The following BAHD1 variants were observed in gnomAD, a reference collection of about 807,000 sequenced individuals.
BAHD1 encodes bromo adjacent homology domain containing 1.
Under a neutral mutation model 63.1 loss-of-function variants are expected in BAHD1, and 20 were observed. That is an observed-to-expected ratio of 0.32 (90% CI 0.22 to 0.46). The LOEUF (loss-of-function observed/expected upper bound fraction) is 0.46, where lower values mean the gene tolerates loss of function less well. Among genes scored for constraint, BAHD1 ranks in the 20% least tolerant of loss-of-function variants. BAHD1 has a pLI of 1.00. For missense variants in BAHD1, 939 were observed against 1,071.8 expected (o/e 0.88, Z 1.73); for synonymous variants, 408 against 426.8 (o/e 0.96, Z 0.54).
Position 40,462,128 on chromosome 15 carries a change from G to T in BAHD1, c.1649G>T (p.Arg550Leu). 1 of 1,612,494 alleles carries T rather than the reference G, an allele frequency of 6.2e-7. No homozygotes were observed. The highest frequency in any genetic ancestry group is 1.7e-5 in the Admixed American group (1 of 60,024). ...CCCAGCGGTTCTAAGTCAGGTCTGC[G>T]CACAGGCTCCAGCTGCAGGCACACT... ...KPPSGSKSGLRTGSSCRHTAR... is the reference protein window; with the variant it reads ...KPPSGSKSGLLTGSSCRHTAR... Residue 550 changes from arginine to leucine, a missense_variant, in exon 3 of 7, where the codon CGC becomes CTC. By Grantham distance (102) the Arg-to-Leu change is moderately radical (BLOSUM62 -2). Coordinates refer to ENST00000416165, the MANE Select transcript of BAHD1 (RefSeq NM_014952.5).
intron 2 of BAHD1, among the ~76,000 whole-genome samples, chr15:40,460,796 G>T (rs1198555021): frequency 6.6e-6 from 1 of 152,160 alleles, no homozygotes; most frequent in East Asian, 1.9e-4. Context: ...CTTTCTTGTA[G>T]GGGTCTATAA....
chr15:40,455,309 G>T (rs1053282390), intron 1 of BAHD1, among the ~76,000 whole-genome samples: 2 of 152,214 alleles, frequency 1.3e-5, no homozygotes, highest in African/African-American at 4.8e-5. Flanking sequence ...CAGGGGAGTA[G>T]TGGGTGTCCC....
chr15:40,464,304 A>C, intron 4 of BAHD1, 167 bp from the exon 5 acceptor site: 1 of 673,070 alleles, frequency 1.5e-6, no homozygotes, highest in Non-Finnish European at 2.6e-6. Flanking sequence ...TCCATGCCTA[A>C]CAGCATTCCA....
chr15:40,463,178 A>C (rs931028297), intron 3 of BAHD1, among the ~76,000 whole-genome samples: 1 of 152,138 alleles, frequency 6.6e-6, no homozygotes, highest in Non-Finnish European at 1.5e-5. Context: ...GGTAGCATGC[A>C]TCTGTAGTCC....
chr15:40,454,826 G>A (rs1031652829), intron 1 of BAHD1, among the ~76,000 whole-genome samples: 1 of 152,166 alleles, frequency 6.6e-6, no homozygotes, highest in African/African-American at 2.4e-5. Context: ...AGGGGCAGCA[G>A]GAGGATTGGT....
At chr15:40,445,538 C>T (rs191834166) in intron 1 of BAHD1, among the ~76,000 whole-genome samples, 6 of 152,092 alleles carry the variant, frequency 3.9e-5, no homozygotes, top group African/African-American at 1.4e-4. Flanking sequence ...AGCACCCTGT[C>T]GCAAGGTGAG....
chr15:40,461,894 ACT>A lies in BAHD1; in HGVS notation c.1433-12_1433-11del, dbSNP rs1368716116. ...GGTCACTGCTTGTCCTGTCCTGACC[ACT>A]CTCTCCCTTTCCTAGAAGGCTGCAG... is the stretch of plus-strand genomic sequence containing the variant. On this transcript the variant is annotated splice_polypyrimidine_tract_variant and intron_variant, in intron 2 of 6. Coordinates refer to ENST00000416165, the MANE Select transcript of BAHD1 (RefSeq NM_014952.5). The A allele has an allele frequency of 6.4e-7, 1 of 1,572,722 alleles. No homozygotes were observed. Among genetic ancestry groups the A allele is most frequent in the Non-Finnish European group, 8.7e-7 (1 of 1,154,898 alleles).
chr15:40,464,582 G>T (rs1236699521), intron 5 of BAHD1, 35 bp downstream of exon 5: 1 of 1,572,340 alleles, frequency 6.4e-7, no homozygotes, highest in African/African-American at 1.3e-5. Context: ...GGGAGGGCAG[G>T]AGAGACAGAG....
chr15:40,447,959 G>A (rs1893591204), intron 1 of BAHD1, among the ~76,000 whole-genome samples: 1 of 152,106 alleles, frequency 6.6e-6, no homozygotes, highest in Non-Finnish European at 1.5e-5. Context: ...GATATAAAAT[G>A]TTTGTTTCGG....
chr15:40,460,206 A>G (rs2141531897), intron 2 of BAHD1, among the ~76,000 whole-genome samples: 1 of 152,254 alleles, frequency 6.6e-6, no homozygotes, highest in South Asian at 2.1e-4. Flanking sequence ...TCATTGGGAT[A>G]CCCGTTCTTA....
At chr15:40,461,522 C>G (rs1257831605) in intron 2 of BAHD1, among the ~76,000 whole-genome samples, 1 of 152,030 alleles carries the variant, frequency 6.6e-6, no homozygotes, top group Non-Finnish European at 1.5e-5. Context: ...CACCTGTAAT[C>G]CCAGCTACTC....
chr15:40,437,524 C>A (rs1893297037), upstream of BAHD1, among the ~76,000 whole-genome samples: 1 of 152,208 alleles, frequency 6.6e-6, no homozygotes, highest in Non-Finnish European at 1.5e-5. Flanking sequence ...CCTTGGTGTC[C>A]CTCCCCCAAA....
rs747270398 is a variant in BAHD1 at position 40,458,103 on chromosome 15, T to C, written c.-14-348T>C. 6.6e-6 allele frequency among the ~76,000 whole-genome samples: 1 copy of C among 152,218 alleles called. No homozygotes were observed. The highest frequency in any genetic ancestry group is 1.5e-5 in the Non-Finnish European group (1 of 67,998). On this transcript the variant is annotated intron_variant, in intron 1 of 6. Coordinates refer to ENST00000416165, the MANE Select transcript of BAHD1 (RefSeq NM_014952.5). This position sits in a 1 kb window ranked among gnomAD's most constrained non-coding sequence, Gnocchi z 4.7. ...GCCTCTTCCTATCCTGTGATGAATA[T>C]CTAGTGAGAGAAGGACAGGGGGAGA... is the stretch of plus-strand genomic sequence containing the variant.
In BAHD1 at chr15:40,466,649, CAG is replaced by C; in HGVS notation, c.*522_*523del. On this transcript the variant is annotated 3_prime_UTR_variant, in exon 7 of 7. Coordinates refer to ENST00000416165, the MANE Select transcript of BAHD1 (RefSeq NM_014952.5). ...CTTGTTCCTTTGAGGCATAGAGAGC[CAG>C]AGTCTGGCTTCCAGAGCATTGACTT... The C allele has an allele frequency of 6.5e-6, 1 of 153,086 alleles. No individual in the cohort carries two copies. Among genetic ancestry groups the C allele is most frequent in the East Asian group, 1.9e-4 (1 of 5,188 alleles). 9.5% of individuals were successfully genotyped at this position (153,086 alleles called of 1,614,324 possible).
rs779929304 is a variant in BAHD1 at position 40,459,219 on chromosome 15, T to C, written c.755T>C (p.Val252Ala). ...PKAPRPKWPK[V>A]NGKNYPKAWQ... ...GCCCCGAGGCCAAAGTGGCCCAAGG[T>C]CAATGGCAAGAACTATCCCAAGGCT... Residue 252 changes from valine to alanine, a missense_variant, in exon 2 of 7, where the codon GTC becomes GCC. This residue lies in a region of BAHD1 where 797 missense variants were observed against 813.3 expected (regional missense o/e 0.98). Transcript: ENST00000416165. The C allele has an allele frequency of 6.2e-7, 1 of 1,611,704 alleles. No individual in the cohort carries two copies. Among genetic ancestry groups the C allele is most frequent in the South Asian group, 1.1e-5 (1 of 90,950 alleles).
upstream of BAHD1, among the ~76,000 whole-genome samples, chr15:40,440,499 C>A (rs1336165827): frequency 7.0e-6 from 1 of 142,156 alleles, no homozygotes; most frequent in Non-Finnish European, 1.5e-5. Context: ...TTTTCTCCAG[C>A]GCGTGCTGGG....
intron 1 of BAHD1, among the ~76,000 whole-genome samples, chr15:40,446,935 C>T (rs1893556353): frequency 6.6e-6 from 1 of 152,194 alleles, no homozygotes; most frequent in Non-Finnish European, 1.5e-5. Context: ...TTTTCAGCTT[C>T]CTGCGTGCAG....
intron 6 of BAHD1, among the ~76,000 whole-genome samples, 163 bp downstream of exon 6, chr15:40,465,598 C>T (rs1347583473): frequency 6.6e-6 from 1 of 152,184 alleles, no homozygotes; most frequent in African/African-American, 2.4e-5. Context: ...CTTGCCTCTA[C>T]CATCTGATAT....
chr15:40,439,037 T>C (rs1893332926), upstream of BAHD1, among the ~76,000 whole-genome samples: 1 of 151,972 alleles, frequency 6.6e-6, no homozygotes, highest in African/African-American at 2.4e-5. Context: ...GGGAATTCTG[T>C]GAGGTGGGGA....
Sources: allele counts gnomAD v4.1 joint callset (sites outside exome capture counted in the v4.1 genomes callset), GRCh38; gene constraint gnomAD v4.1.1; regional missense constraint gnomAD v4.1.1; non-coding constraint Gnocchi (gnomAD v3.1); transcripts MANE v1.5; gene names NCBI Gene and HGNC (gene_info 2026-07-23, HGNC 2026-07-21).